The following PDZD8 variants were observed in gnomAD, a reference collection of about 807,000 sequenced individuals.
PDZD8 encodes the protein PDZ domain containing 8.
Under a neutral mutation model 85.8 loss-of-function variants are expected in PDZD8, and 14 were observed. The observed-to-expected ratio is 0.16, with a 90% CI of 0.11 to 0.26. The LOEUF is 0.26. Ranked by LOEUF, PDZD8 falls within the 10% of genes least tolerant of loss-of-function variation. PDZD8 has a pLI of 1.00. For synonymous variants in PDZD8, 592 were observed against 568.6 expected (o/e 1.04, Z -0.59); for missense variants, 1,197 against 1,424.3 (o/e 0.84, Z 2.57).
chr10:117,310,553 C>A (rs556053722), intron 3 of PDZD8, among the ~76,000 whole-genome samples: 1 of 152,242 alleles, frequency 6.6e-6, no homozygotes, highest in South Asian at 2.1e-4. Context: ...AGAACTACAT[C>A]CCTCATTTTT....
At position 117,315,598 on chromosome 10, in the gene PDZD8, A is replaced by AC. The variant is rs796584929; in HGVS notation, c.1098+3273_1098+3274insG. 5.1e-3 allele frequency among the ~76,000 whole-genome samples: 741 copies of AC among 144,672 alleles called. 10 individuals carry two copies. Among genetic ancestry groups the AC allele is most frequent in the African/African-American group, 0.018 (707 of 39,280 alleles). 94.9% of individuals were successfully genotyped at this position (144,672 alleles called of 152,430 possible). A position where few individuals can be genotyped will look rare whatever the true frequency, so the allele number is the denominator to read the frequency against. On this transcript the variant is annotated intron_variant, in intron 3 of 4. Transcript: ENST00000334464. ...GAGCTAGACTCTCTCAAAAAAAAAA[A>AC]AAAAAAAAAAAAAACAATAATCTAT...
chr10:117,347,127 T>C (rs1844722724), intron 1 of PDZD8, among the ~76,000 whole-genome samples: 1 of 151,920 alleles, frequency 6.6e-6, no homozygotes, highest in South Asian at 2.1e-4. Flanking sequence ...CCAGGGTATA[T>C]ACCCCAGACA....
rs1052447093 is a variant in PDZD8, at chr10:117,347,121, G to A, written c.873-6019C>T. ...TTTCTCCACCAAGACCAAGAACCAG[G>A]GTATATACCCCAGACAATGGAACCG... On this transcript the variant is annotated intron_variant, in intron 1 of 4. Coordinates refer to ENST00000334464, the MANE Select transcript of PDZD8 (RefSeq NM_173791.5). Among the ~76,000 whole-genome samples the A allele has an allele frequency of 2.0e-5, 3 of 151,618 alleles. No individual in the cohort carries two copies. In the East Asian group the frequency reaches 5.8e-4, roughly 29 times the overall value.
intron 1 of PDZD8, 125 bp from the exon 2 acceptor site, chr10:117,341,227 A>G (rs1844606746): frequency 1.0e-6 from 1 of 996,838 alleles, no homozygotes; most frequent in East Asian, 2.7e-5. Context: ...TGCTCTACAA[A>G]ACCAAAGCTT....
chr10:117,304,543 G>A (rs1249624233), intron 3 of PDZD8, among the ~76,000 whole-genome samples: 1 of 152,078 alleles, frequency 6.6e-6, no homozygotes, highest in Non-Finnish European at 1.5e-5. Context: ...GAGATTTGGA[G>A]GGGCCAGGGG....
chr10:117,361,891 G>A (rs1181397846), intron 1 of PDZD8, among the ~76,000 whole-genome samples: 1 of 152,110 alleles, frequency 6.6e-6, no homozygotes, highest in African/African-American at 2.4e-5. Context: ...AAGTAAACTA[G>A]AGATGATTTA....
chr10:117,343,876 C>T (rs1844659065), intron 1 of PDZD8, among the ~76,000 whole-genome samples: 2 of 152,158 alleles, frequency 1.3e-5, no homozygotes, highest in Non-Finnish European at 2.9e-5. Context: ...TCTCTAAGAA[C>T]CTTTGGTTTT....
chr10:117,288,882 C>T (rs1241153887), intron 4 of PDZD8, among the ~76,000 whole-genome samples: 2 of 152,116 alleles, frequency 1.3e-5, no homozygotes, highest in African/African-American at 2.4e-5. Flanking sequence ...ACATTTATAT[C>T]GCTTAGGTTA....
At chr10:117,317,078 A>G (rs1168082323) in intron 3 of PDZD8, among the ~76,000 whole-genome samples, 3 of 152,204 alleles carry the variant, frequency 2.0e-5, no homozygotes, top group Non-Finnish European at 4.4e-5. Context: ...CCTAGATTAC[A>G]GTATTATACT....
intron 2 of PDZD8, among the ~76,000 whole-genome samples, chr10:117,326,075 T>G (rs953196800): frequency 6.6e-6 from 1 of 152,154 alleles, no homozygotes; most frequent in Non-Finnish European, 1.5e-5. Context: ...TCCACTATGA[T>G]TCTAAGTGTC....
intron 1 of PDZD8, among the ~76,000 whole-genome samples, chr10:117,349,740 C>G (rs1216706267): frequency 6.6e-6 from 1 of 152,038 alleles, no homozygotes; most frequent in African/African-American, 2.4e-5. Context: ...GAGATCGAGG[C>G]TGCAGTGAGC....
Position 117,279,987 on chromosome 10 carries a change from CATTTT to C in PDZD8, c.*3276_*3280del, listed in dbSNP as rs1470751607. The C allele has an allele frequency of 1.3e-5, 2 of 152,050 alleles. No homozygotes were observed. Among genetic ancestry groups the C allele is most frequent in the African/African-American group, 2.4e-5 (1 of 41,410 alleles). The allele number at this position is 152,050 out of a possible 1,614,324, so 9.4% of individuals were successfully genotyped here. ...ATTTATTCACTTTTAGGGGACTTAA[CATTTT>C]ATTATTTATCTTATTTTTAAGAGCC... On this transcript the variant is annotated 3_prime_UTR_variant, in exon 5 of 5. Coordinates refer to ENST00000334464, the MANE Select transcript of PDZD8 (RefSeq NM_173791.5).
chr10:117,351,792 A>C (rs2133864456), intron 1 of PDZD8, among the ~76,000 whole-genome samples: 1 of 152,226 alleles, frequency 6.6e-6, no homozygotes, highest in Non-Finnish European at 1.5e-5. Context: ...GACTCAAGCA[A>C]TCCTTCTGCC....
At chr10:117,308,065 T>C (rs998398430) in intron 3 of PDZD8, among the ~76,000 whole-genome samples, 6 of 152,146 alleles carry the variant, frequency 3.9e-5, no homozygotes, top group African/African-American at 1.2e-4. Context: ...CTAACATCCA[T>C]GCTATGATAT....
At position 117,374,327 on chromosome 10, in the gene PDZD8, C is replaced by T. The variant is rs1247469108; in HGVS notation, c.872+29G>A. The T allele has an allele frequency of 1.2e-6, 2 of 1,604,694 alleles. No homozygotes were observed. Among genetic ancestry groups the T allele is most frequent in the East Asian group, 2.2e-5 (1 of 44,718 alleles). ...CCGCCCAGGCCCGGGTTCCCGGCAGCCAGGCCCCCTCCCCGACCTCCAGCT... is the reference window on the plus strand; with the variant it reads ...CCGCCCAGGCCCGGGTTCCCGGCAGTCAGGCCCCCTCCCCGACCTCCAGCT... On this transcript the variant is annotated intron_variant, in intron 1 of 4. Transcript: ENST00000334464. This position sits in a 1 kb window ranked among gnomAD's most constrained non-coding sequence, Gnocchi z 7.8.
chr10:117,290,327 A>C lies in PDZD8; in HGVS notation c.1120T>G (p.Leu374Val). The change falls in exon 4 of 5, where the codon TTA becomes GTA. Residue 374 changes from leucine (L) to valine (V), a missense_variant. Physicochemically the swap from Leu to Val is conservative, Grantham distance 32. This residue lies in a region of PDZD8 where 344 missense variants were observed against 453.6 expected (regional missense o/e 0.76). Coordinates refer to ENST00000334464, the MANE Select transcript of PDZD8 (RefSeq NM_173791.5). ...CGAAGTGTAAGTCCAACACTTTGTAAATTTCCTTTTATTAATTCAACCTTT... is the reference window on the plus strand; with the variant it reads ...CGAAGTGTAAGTCCAACACTTTGTACATTTCCTTTTATTAATTCAACCTTT... The part of the protein sequence containing the change: ...IKTVELIKGN[L>V]QSVGLTLRLV... The C allele has an allele frequency of 1.2e-6, 2 of 1,601,732 alleles. No individual in the cohort carries two copies. Among genetic ancestry groups the C allele is most frequent in the Non-Finnish European group, 1.7e-6 (2 of 1,174,940 alleles).
chr10:117,321,853 A>T (rs1844230851), intron 2 of PDZD8, among the ~76,000 whole-genome samples: 1 of 152,196 alleles, frequency 6.6e-6, no homozygotes, highest in African/African-American at 2.4e-5. Flanking sequence ...TATTTGATAC[A>T]GATATTTGAT....
chr10:117,356,623 C>A (rs547480311), intron 1 of PDZD8, among the ~76,000 whole-genome samples: 1 of 152,168 alleles, frequency 6.6e-6, no homozygotes, highest in East Asian at 1.9e-4. Flanking sequence ...TATTCCTGAC[C>A]GCATTTACAA....
intron 1 of PDZD8, among the ~76,000 whole-genome samples, chr10:117,356,822 T>G (rs779458108): frequency 6.6e-6 from 1 of 152,200 alleles, no homozygotes; most frequent in Non-Finnish European, 1.5e-5. Context: ...TACTGTCTAT[T>G]TGGAAAATGA....
Sources: allele counts gnomAD v4.1 joint callset (sites outside exome capture counted in the v4.1 genomes callset), GRCh38; gene constraint gnomAD v4.1.1; regional missense constraint gnomAD v4.1.1; non-coding constraint Gnocchi (gnomAD v3.1); transcripts MANE v1.5; gene names NCBI Gene and HGNC (gene_info 2026-07-23, HGNC 2026-07-21).